Variants in ELMO1 observed in about 807,000 individuals in gnomAD.
ELMO1 encodes engulfment and cell motility 1.
In ELMO1, 26 loss-of-function variants were observed where a neutral mutation model predicts 98.9. That is an observed-to-expected ratio of 0.26 (90% CI 0.19 to 0.36). The LOEUF (loss-of-function observed/expected upper bound fraction) is 0.36, where lower values mean the gene tolerates loss of function less well. Ranked by LOEUF, ELMO1 falls within the 10% of genes least tolerant of loss-of-function variation. The pLI is 1.00. For missense variants in ELMO1, 627 were observed against 935.2 expected, an observed-to-expected ratio of 0.67 and a Z score of 4.30; for synonymous variants, 346 against 346.0, an observed-to-expected ratio of 1.00 and a Z score of 0.00.
At chr7:37,047,398 G>A (rs1795853979) in intron 15 of ELMO1, among the ~76,000 whole-genome samples, 1 of 152,178 alleles carries the variant, frequency 6.6e-6, no homozygotes, top group Non-Finnish European at 1.5e-5. Flanking sequence ...GTTCAAAACT[G>A]GACTGACATG....
At chr7:37,227,836 A>G (rs1793951688) in intron 8 of ELMO1, among the ~76,000 whole-genome samples, 1 of 152,246 alleles carries the variant, frequency 6.6e-6, no homozygotes, top group Non-Finnish European at 1.5e-5. Flanking sequence ...GCATATTTAT[A>G]TCCCACATAC....
intron 1 of ELMO1, among the ~76,000 whole-genome samples, chr7:37,432,372 A>G (rs886888870): frequency 2.6e-5 from 4 of 152,186 alleles, no homozygotes; most frequent in Non-Finnish European, 5.9e-5. Context: ...GAAAGGGGAT[A>G]TGAAAGGTCT....
intron 2 of ELMO1, 79 bp from the exon 3 acceptor site, chr7:37,316,039 A>G (rs1799137240): frequency 8.8e-7 from 1 of 1,135,718 alleles, no homozygotes; most frequent in Non-Finnish European, 1.3e-6. Flanking sequence ...AGCTTCATAA[A>G]AAGATTATCT....
At chr7:36,884,736 GCA>G (rs1224553698) in intron 18 of ELMO1, among the ~76,000 whole-genome samples, 1 of 152,198 alleles carries the variant, frequency 6.6e-6, no homozygotes, top group Non-Finnish European at 1.5e-5. Flanking sequence ...GCCAAACGTG[GCA>G]CAGTCGAGCA....
intron 13 of ELMO1, among the ~76,000 whole-genome samples, chr7:37,151,027 T>C (rs988426453): frequency 2.0e-5 from 3 of 152,242 alleles, no homozygotes; most frequent in Non-Finnish European, 2.9e-5. Flanking sequence ...GAAAGGCTCA[T>C]GCCCACCTGC....
At chr7:37,445,514 C>T (rs112203924) in intron 1 of ELMO1, among the ~76,000 whole-genome samples, 3,827 of 152,216 alleles carry the variant, frequency 0.025, 155 homozygotes, top group African/African-American at 0.086. Context: ...CAGGTGAGCT[C>T]CTTGCCTCAC....
intron 1 of ELMO1, among the ~76,000 whole-genome samples, chr7:37,392,676 T>A (rs1246706272): frequency 6.6e-6 from 1 of 152,192 alleles, no homozygotes; most frequent in Non-Finnish European, 1.5e-5. Flanking sequence ...GACTTTCTGA[T>A]CACACTGGCT....
chr7:37,126,857 CT>C (rs1288667846), intron 14 of ELMO1, among the ~76,000 whole-genome samples: 1 of 152,162 alleles, frequency 6.6e-6, no homozygotes, highest in Non-Finnish European at 1.5e-5. Flanking sequence ...AAGGATTTTT[CT>C]TCTTTTAGTT....
chr7:36,951,861 C>T (rs780685594), intron 16 of ELMO1, among the ~76,000 whole-genome samples: 38 of 152,186 alleles, frequency 2.5e-4, no homozygotes, highest in Non-Finnish European at 4.3e-4. Flanking sequence ...CACAGAATTA[C>T]GTCCCCAGTG....
At chr7:37,083,578 T>G (rs1783599548) in intron 15 of ELMO1, among the ~76,000 whole-genome samples, 1 of 152,250 alleles carries the variant, frequency 6.6e-6, no homozygotes, top group Non-Finnish European at 1.5e-5. Flanking sequence ...AGGCCACAGC[T>G]GCAATCTGTT....
chr7:37,321,531 C>T (rs1799493702), intron 2 of ELMO1, among the ~76,000 whole-genome samples: 1 of 151,700 alleles, frequency 6.6e-6, no homozygotes. Flanking sequence ...TCCTGGCTAA[C>T]ACGTTGAAAC....
chr7:37,000,758 GA>G (rs1233665262), intron 16 of ELMO1, among the ~76,000 whole-genome samples: 2 of 152,054 alleles, frequency 1.3e-5, no homozygotes, highest in Non-Finnish European at 2.9e-5. Context: ...TCCTGGGAAA[GA>G]ACAAGCGCCA....
intron 16 of ELMO1, among the ~76,000 whole-genome samples, chr7:36,896,203 G>A (rs932288984): frequency 1.3e-5 from 2 of 152,184 alleles, no homozygotes; most frequent in African/African-American, 4.8e-5. Flanking sequence ...TACAGTGGAG[G>A]AGGTGCTAGT....
At chr7:37,331,473 C>T (rs763632831) in intron 2 of ELMO1, among the ~76,000 whole-genome samples, 3 of 151,530 alleles carry the variant, frequency 2.0e-5, no homozygotes, top group East Asian at 1.9e-4. Flanking sequence ...TGAGCCACCA[C>T]GCCCAGTGAC....
chr7:37,345,988 A>G (rs2700988), intron 1 of ELMO1, among the ~76,000 whole-genome samples: 22,970 of 122,974 alleles, frequency 0.19, 1,824 homozygotes, highest in Middle Eastern at 0.28. Context: ...GACTCCATCT[A>G]AAAAAAAAAA....
At chr7:36,883,403 TATC>T (rs905612399) in intron 18 of ELMO1, among the ~76,000 whole-genome samples, 5 of 151,910 alleles carry the variant, frequency 3.3e-5, no homozygotes, top group African/African-American at 1.2e-4. Context: ...TAGTGGCTGG[TATC>T]ATTTCGATCT....
At chr7:37,167,959 G>A (rs200170451) in intron 13 of ELMO1, among the ~76,000 whole-genome samples, 22 of 152,034 alleles carry the variant, frequency 1.4e-4, no homozygotes, top group Admixed American at 5.9e-4. Flanking sequence ...CATTCTCCCC[G>A]TCACTTTCAG....
chr7:37,071,278 T>C (rs1361015813), intron 15 of ELMO1, among the ~76,000 whole-genome samples: 1 of 152,138 alleles, frequency 6.6e-6, no homozygotes, highest in Non-Finnish European at 1.5e-5. Context: ...CATTGTAGGG[T>C]TCCATTTACA....
chr7:36,911,479 T>C (rs1784337789), intron 16 of ELMO1, among the ~76,000 whole-genome samples: 1 of 152,214 alleles, frequency 6.6e-6, no homozygotes, highest in South Asian at 2.1e-4. Context: ...TCTTTTGGCA[T>C]AACGGCTTCC....
Sources: gnomAD v4.1 joint callset for allele counts (sites outside exome capture counted in the v4.1 genomes callset) on GRCh38, gnomAD v4.1.1 for gene constraint, MANE v1.5 for transcripts, NCBI Gene and HGNC (gene_info 2026-07-23, HGNC 2026-07-21) for gene names.